Variants in KCNH5 observed in about 807,000 individuals in gnomAD.
KCNH5 encodes the protein voltage-gated delayed rectifier potassium channel KCNH5.
A neutral mutation model predicts 96.1 loss-of-function variants in KCNH5; 46 were observed. That is an observed-to-expected ratio of 0.48 (90% CI 0.38 to 0.61). The LOEUF is 0.61. Ranked by LOEUF, KCNH5 falls within the 20% of genes least tolerant of loss-of-function variation. KCNH5 has a pLI of 0.00. For synonymous variants in KCNH5, 439 were observed against 449.8 expected, an observed-to-expected ratio of 0.98 and a Z score of 0.30; for missense variants, 907 against 1,225.8, an observed-to-expected ratio of 0.74 and a Z score of 3.88.
Position 62,802,677 on chromosome 14 carries a change from G to A in KCNH5, c.1570-96C>T, listed in dbSNP as rs1886688547. 20 of 1,409,052 alleles carry A rather than the reference G, an allele frequency of 1.4e-5. No individual in the cohort carries two copies. The South Asian group carries it at 1.8e-4, about 12-fold the overall frequency. The allele number at this position is 1,409,052 out of a possible 1,614,324, so 87.3% of individuals were successfully genotyped here. Reference sequence around the variant, plus strand: ...ACAAATATTTATTGACTATGACTATGTCTGCTACACTGCTACACACCTTGC... The same window carrying A: ...ACAAATATTTATTGACTATGACTATATCTGCTACACTGCTACACACCTTGC... On this transcript the variant is annotated intron_variant, in intron 8 of 10. Coordinates refer to ENST00000322893, the MANE Select transcript of KCNH5 (RefSeq NM_139318.5).
Position 62,705,614 on chromosome 14 carries a change from G to A in KCNH5, c.*1894C>T, listed in dbSNP as rs1381172448. On this transcript the variant is annotated 3_prime_UTR_variant, in exon 11 of 11. Coordinates refer to ENST00000322893, the MANE Select transcript of KCNH5 (RefSeq NM_139318.5). ...TTATACGCATAAAGAAAGGAAAATG[G>A]AGCCCATGGCTCATATGTTTTGAGA... 3 of 151,968 alleles carry A rather than the reference G, an allele frequency of 2.0e-5. No individual in the cohort carries two copies. Among genetic ancestry groups the A allele is most frequent in the Non-Finnish European group, 4.4e-5 (3 of 67,872 alleles). The allele number at this position is 151,968 out of a possible 1,614,324, so 9.4% of individuals were successfully genotyped here.
intron 5 of KCNH5, among the ~76,000 whole-genome samples, chr14:62,982,255 G>A (rs1191184530): frequency 6.6e-6 from 1 of 152,178 alleles, no homozygotes; most frequent in Non-Finnish European, 1.5e-5. Context: ...CTTGAATGCA[G>A]GAGGCAGAGG....
At chr14:62,902,459 TG>T (rs756256669) in intron 7 of KCNH5, among the ~76,000 whole-genome samples, 11 of 152,152 alleles carry the variant, frequency 7.2e-5, no homozygotes, top group Admixed American at 3.9e-4. Context: ...TTATGGGAAG[TG>T]ATTATAATAG....
At position 62,971,853 on chromosome 14, in the gene KCNH5, T is replaced by C. The variant is rs375654725; in HGVS notation, c.942+9019A>G. Among the ~76,000 whole-genome samples, 7 of 151,790 alleles carry C rather than the reference T, an allele frequency of 4.6e-5. No homozygotes were observed. In the East Asian group the frequency reaches 7.7e-4, roughly 17 times the overall value. ...CAGACCCTACACCCTTCACAAAATT[T>C]AACTCAGAATGAATCATATAAAATA... On this transcript the variant is annotated intron_variant, in intron 6 of 10. Coordinates refer to ENST00000322893, the MANE Select transcript of KCNH5 (RefSeq NM_139318.5).
chr14:62,750,823 G>A (rs1885482098), intron 10 of KCNH5, among the ~76,000 whole-genome samples: 1 of 152,142 alleles, frequency 6.6e-6, no homozygotes, highest in East Asian at 1.9e-4. Flanking sequence ...TTGAGCTGAG[G>A]TAGAAGCTGG....
At chr14:62,862,157 ATAAAGT>A (rs955445936) in intron 7 of KCNH5, among the ~76,000 whole-genome samples, 1 of 152,214 alleles carries the variant, frequency 6.6e-6, no homozygotes, top group Admixed American at 6.5e-5. Flanking sequence ...CTATTTATCT[ATAAAGT>A]TAGTGTTACT....
chr14:62,884,198 A>G (rs1441724126), intron 7 of KCNH5, among the ~76,000 whole-genome samples: 1 of 152,236 alleles, frequency 6.6e-6, no homozygotes, highest in Non-Finnish European at 1.5e-5. Flanking sequence ...CCCACAATGT[A>G]TCTATAATAC....
At chr14:62,899,326 T>C (rs1224931029) in intron 7 of KCNH5, among the ~76,000 whole-genome samples, 2 of 152,144 alleles carry the variant, frequency 1.3e-5, no homozygotes, top group Admixed American at 6.5e-5. Context: ...ATAACCTATG[T>C]ATGGGTCAAG....
intron 8 of KCNH5, among the ~76,000 whole-genome samples, chr14:62,805,261 C>T (rs763750738): frequency 3.7e-4 from 56 of 152,004 alleles, no homozygotes; most frequent in Non-Finnish European, 6.5e-4. Flanking sequence ...TGAAATAGTC[C>T]AGTATTTGCA....
chr14:62,963,912 C>T (rs1890258725), intron 6 of KCNH5, among the ~76,000 whole-genome samples: 1 of 152,078 alleles, frequency 6.6e-6, no homozygotes, highest in South Asian at 2.1e-4. Flanking sequence ...ATAGCTAGAA[C>T]AGTAAGCAGT....
chr14:62,814,887 G>A lies in KCNH5; in HGVS notation c.1570-12306C>T, dbSNP rs557665528. On this transcript the variant is annotated intron_variant, in intron 8 of 10. Transcript: ENST00000322893. Reference sequence around the variant, plus strand: ...TGGCTATATTGTAACAGTTGAACATGCATATATTCAAAGACCCAAGAATTT... The same window carrying A: ...TGGCTATATTGTAACAGTTGAACATACATATATTCAAAGACCCAAGAATTT... 4.0e-5 allele frequency among the ~76,000 whole-genome samples: 6 copies of A among 148,290 alleles called. No individual in the cohort carries two copies. In the South Asian group the frequency reaches 1.3e-3, roughly 33 times the overall value.
intron 10 of KCNH5, among the ~76,000 whole-genome samples, chr14:62,756,288 A>G (rs1213631998): frequency 6.6e-6 from 1 of 152,168 alleles, no homozygotes; most frequent in African/African-American, 2.4e-5. Flanking sequence ...CATCAGTGAA[A>G]GAAACTACAG....
chr14:62,923,800 T>C (rs1889422628), intron 7 of KCNH5, among the ~76,000 whole-genome samples: 1 of 151,892 alleles, frequency 6.6e-6, no homozygotes, highest in Non-Finnish European at 1.5e-5. Flanking sequence ...TCATCTCACA[T>C]CATATCCAAA....
At chr14:62,715,395 G>C (rs931776901) in intron 10 of KCNH5, among the ~76,000 whole-genome samples, 3 of 152,168 alleles carry the variant, frequency 2.0e-5, no homozygotes, top group African/African-American at 7.2e-5. Flanking sequence ...CTGGGATTTA[G>C]TTGGTTTGAT....
chr14:62,996,440 G>C (rs558663991), intron 4 of KCNH5, among the ~76,000 whole-genome samples: 1 of 152,124 alleles, frequency 6.6e-6, no homozygotes, highest in Non-Finnish European at 1.5e-5. Flanking sequence ...TTTTCACAAT[G>C]GGGTCTGATT....
intron 7 of KCNH5, among the ~76,000 whole-genome samples, chr14:62,919,150 C>CATT (rs1889333649): frequency 6.6e-6 from 1 of 152,010 alleles, no homozygotes; most frequent in Non-Finnish European, 1.5e-5. Context: ...TATATATATA[C>CATT]ATGTGCCTAG....
chr14:62,932,338 A>C (rs1382725701), intron 7 of KCNH5, among the ~76,000 whole-genome samples: 1 of 152,066 alleles, frequency 6.6e-6, no homozygotes, highest in East Asian at 1.9e-4. Context: ...ACACAGAGAA[A>C]AGGCAAGAGC....
chr14:62,892,352 CA>C (rs1888727647), intron 7 of KCNH5, among the ~76,000 whole-genome samples: 1 of 152,184 alleles, frequency 6.6e-6, no homozygotes. Context: ...TAACTCTCCC[CA>C]ATTGTATGAA....
chr14:62,995,597 G>T (rs1566532991), intron 4 of KCNH5, among the ~76,000 whole-genome samples: 1 of 152,058 alleles, frequency 6.6e-6, no homozygotes, highest in Non-Finnish European at 1.5e-5. Flanking sequence ...TGAAATTTAT[G>T]ACCACTAGCC....
Sources: gnomAD v4.1 joint callset for allele counts (sites outside exome capture counted in the v4.1 genomes callset) on GRCh38, gnomAD v4.1.1 for gene constraint, MANE v1.5 for transcripts, NCBI Gene and HGNC (gene_info 2026-07-23, HGNC 2026-07-21) for gene names.